UBR1: variants seen among roughly 807,000 people sequenced by gnomAD.
UBR1 encodes the protein ubiquitin protein ligase E3 component n-recognin 1.
In UBR1, 102 loss-of-function variants were observed where a neutral mutation model predicts 242.1. The ratio of observed to expected loss-of-function variants is 0.42; its 90% confidence interval spans 0.36 to 0.50. UBR1 has a LOEUF of 0.50. UBR1 is among the 20% of genes least tolerant of loss of function. UBR1 has a pLI of 0.01. For synonymous variants in UBR1, 675 were observed against 684.8 expected (o/e 0.99, Z 0.22); for missense variants, 1,772 against 2,101.8 (o/e 0.84, Z 3.07).
rs956424419 is a variant in UBR1, at chr15:42,967,947, A to T, written c.4458-1661T>A. 1.1e-4 allele frequency among the ~76,000 whole-genome samples: 17 copies of T among 150,398 alleles called. 1 individual carries two copies. The highest frequency in any genetic ancestry group is 1.0e-3 in the Admixed American group (15 of 15,044). On this transcript the variant is annotated intron_variant, in intron 40 of 46. Transcript: ENST00000290650. ...TAAATATATATTATGAATATATATA[A>T]AAATTATATATGTAGTATGTACTGT...
intron 33 of UBR1, among the ~76,000 whole-genome samples, chr15:42,995,725 A>T (rs2032628191): frequency 6.6e-6 from 1 of 152,164 alleles, no homozygotes; most frequent in African/African-American, 2.4e-5. Flanking sequence ...ACATGCCAAA[A>T]ATCACTTCTT....
In UBR1 at chr15:43,007,961, C is replaced by T. The variant is rs571790166; in HGVS notation, c.3210-677G>A. ...ATGATTCAGCAATTCTTAGAATCTA[C>T]TCTTACTGACTGGGCAAAACTCAAG... On this transcript the variant is annotated intron_variant, in intron 29 of 46. Transcript: ENST00000290650. 3.5e-4 allele frequency among the ~76,000 whole-genome samples: 53 copies of T among 152,320 alleles called. 1 individual carries two copies. The highest frequency in any genetic ancestry group is 2.3e-3 in the South Asian group (11 of 4,830).
chr15:43,082,498 T>C, intron 3 of UBR1, 140 bp downstream of exon 3: 1 of 716,464 alleles, frequency 1.4e-6, no homozygotes, highest in Non-Finnish European at 2.5e-6. Context: ...ACATCCCTTA[T>C]CTCTTCCAAT....
chr15:43,044,337 AG>A (rs1283505078), intron 14 of UBR1, among the ~76,000 whole-genome samples: 3 of 152,224 alleles, frequency 2.0e-5, no homozygotes, highest in African/African-American at 7.2e-5. Context: ...ATGACTATAA[AG>A]TAAAGTGATA....
intron 44 of UBR1, among the ~76,000 whole-genome samples, 193 bp downstream of exon 44, chr15:42,957,820 T>C (rs191526970): frequency 2.6e-5 from 4 of 151,956 alleles, no homozygotes; most frequent in African/African-American, 9.7e-5. Flanking sequence ...TGAGCTATAG[T>C]CAAATCACTG....
Position 42,944,473 on chromosome 15 carries a change from C to A in UBR1, c.*856G>T, listed in dbSNP as rs955169447. 6.6e-6 allele frequency: 1 copy of A among 152,184 alleles called. No homozygotes were observed. The highest frequency in any genetic ancestry group is 1.5e-5 in the Non-Finnish European group (1 of 68,024). The allele number at this position is 152,184 out of a possible 1,614,324, so 9.4% of individuals were successfully genotyped here. On this transcript the variant is annotated 3_prime_UTR_variant, in exon 47 of 47. Transcript: ENST00000290650. ...TACAGTTGTCATGATCCACTCATTG[C>A]GAGAATTTTCTCATCTTCATTCTAC... is the stretch of plus-strand genomic sequence containing the variant.
intron 35 of UBR1, among the ~76,000 whole-genome samples, chr15:42,987,153 G>A (rs946913897): frequency 6.6e-6 from 1 of 152,234 alleles, no homozygotes; most frequent in South Asian, 2.1e-4. Context: ...GGGCGGCTTT[G>A]CCCATCAGTC....
At chr15:43,098,533 A>G (rs1273424983) in intron 1 of UBR1, among the ~76,000 whole-genome samples, 1 of 152,194 alleles carries the variant, frequency 6.6e-6, no homozygotes, top group Non-Finnish European at 1.5e-5. Flanking sequence ...TGTATCACTG[A>G]TTTATAAAAG....
At chr15:43,023,104 C>T (rs2141303961) in intron 25 of UBR1, among the ~76,000 whole-genome samples, 1 of 152,238 alleles carries the variant, frequency 6.6e-6, no homozygotes, top group Non-Finnish European at 1.5e-5. Context: ...AACTCCTGCG[C>T]TCAAGTGATC....
intron 30 of UBR1, among the ~76,000 whole-genome samples, chr15:43,005,878 G>A (rs2032818349): frequency 6.7e-6 from 1 of 149,550 alleles, no homozygotes; most frequent in African/African-American, 2.5e-5. Flanking sequence ...TTAAACAGAT[G>A]CTTGAAGGCA....
At chr15:42,953,881 CTT>C (rs542646568) in intron 44 of UBR1, among the ~76,000 whole-genome samples, 63 of 132,648 alleles carry the variant, frequency 4.7e-4, no homozygotes, top group Admixed American at 6.1e-4. Flanking sequence ...ACTTGATATT[CTT>C]TTTTTTTTTT....
intron 1 of UBR1, among the ~76,000 whole-genome samples, chr15:43,104,013 A>G (rs1025373217): frequency 6.6e-6 from 1 of 152,226 alleles, no homozygotes; most frequent in African/African-American, 2.4e-5. Flanking sequence ...ATAAAGCTTA[A>G]CAGTCACAGG....
chr15:42,996,564 T>C (rs185920821), intron 33 of UBR1, among the ~76,000 whole-genome samples: 15 of 152,206 alleles, frequency 9.9e-5, no homozygotes, highest in African/African-American at 3.4e-4. Flanking sequence ...GCCTGGGTGA[T>C]GAGCGAGACC....
intron 3 of UBR1, among the ~76,000 whole-genome samples, chr15:43,076,313 G>A (rs564881877): frequency 4.0e-4 from 61 of 152,302 alleles, no homozygotes; most frequent in African/African-American, 1.1e-3. Context: ...GTGCAGTGGC[G>A]TGATCTCAGC....
chr15:43,058,957 T>C, intron 9 of UBR1, 128 bp downstream of exon 9: 1 of 790,088 alleles, frequency 1.3e-6, no homozygotes, highest in African/African-American at 1.7e-5. Context: ...TATTCACATG[T>C]AGTATCTTAT....
chr15:42,971,634 T>C (rs574698686), intron 39 of UBR1, among the ~76,000 whole-genome samples: 2 of 152,338 alleles, frequency 1.3e-5, no homozygotes, highest in Admixed American at 1.3e-4. Context: ...CCTTTTCATT[T>C]TCCAAATAAC....
intron 42 of UBR1, among the ~76,000 whole-genome samples, chr15:42,961,425 T>C (rs992722830): frequency 3.3e-4 from 47 of 140,414 alleles, no homozygotes; most frequent in African/African-American, 1.2e-3. Context: ...ATGTTCCTCT[T>C]TTTTTTTTTT....
At chr15:42,981,819 T>G (rs1192922031) in intron 37 of UBR1, among the ~76,000 whole-genome samples, 1 of 152,224 alleles carries the variant, frequency 6.6e-6, no homozygotes, top group Admixed American at 6.5e-5. Flanking sequence ...TTTGTTTTTA[T>G]AGAAGTTCTG....
At chr15:43,054,075 C>T (rs773691772) in intron 12 of UBR1, among the ~76,000 whole-genome samples, 29 of 152,132 alleles carry the variant, frequency 1.9e-4, no homozygotes, top group Non-Finnish European at 3.8e-4. Flanking sequence ...AACAGCCAGC[C>T]GCAGTAGCTC....
Sources: allele counts gnomAD v4.1 joint callset (sites outside exome capture counted in the v4.1 genomes callset), GRCh38; gene constraint gnomAD v4.1.1; transcripts MANE v1.5; gene names NCBI Gene and HGNC (gene_info 2026-07-23, HGNC 2026-07-21).